LIPE: variants seen among roughly 807,000 people sequenced by gnomAD.
LIPE encodes lipase E, hormone sensitive type.
Under a neutral mutation model 88.5 loss-of-function variants are expected in LIPE, and 66 were observed. The observed-to-expected ratio is 0.75, with a 90% CI of 0.61 to 0.91. The LOEUF is 0.91. Among genes scored for constraint, LIPE ranks in the 40% least tolerant of loss-of-function variants. The probability of loss-of-function intolerance (pLI) is 0.00; values close to 1 mark genes in which losing one functional copy is unlikely to be tolerated. For synonymous variants in LIPE, 570 were observed against 617.5 expected (o/e 0.92, Z 1.14); for missense variants, 1,346 against 1,434.7 (o/e 0.94, Z 1.00).
At chr19:42,424,086 C>T (rs1600148737) in intron 1 of LIPE, 1 of 1,189,164 alleles carries the variant, frequency 8.4e-7, no homozygotes, top group Non-Finnish European at 1.1e-6. Context: ...TGCCTGAGAG[C>T]CGTTGGAGGA....
chr19:42,426,603 G>A lies in LIPE; in HGVS notation c.547C>T (p.Gln183Ter). The A allele has an allele frequency of 1.2e-6, 2 of 1,614,204 alleles. No individual in the cohort carries two copies. Among genetic ancestry groups the A allele is most frequent in the African/African-American group, 2.7e-5 (2 of 75,060 alleles). Residue 183 changes from glutamine to a stop codon, truncating the protein, a stop_gained, in exon 1 of 10, where the codon CAG becomes TAG. Transcript: ENST00000244289. LOFTEE classifies it high-confidence loss of function. ...ACTGGCGTTGTTTGCTTGTCTGACTGTTCAGGTGTCTCTTGGGACGTAGAT... is the reference window on the plus strand; with the variant it reads ...ACTGGCGTTGTTTGCTTGTCTGACTATTCAGGTGTCTCTTGGGACGTAGAT... The part of the protein sequence containing the change: ...TESTSQETPE[Q>*]SDKQTTPVQG...
intron 1 of LIPE, among the ~76,000 whole-genome samples, chr19:42,418,901 T>C (rs1439445595): frequency 6.6e-6 from 1 of 152,162 alleles, no homozygotes; most frequent in Non-Finnish European, 1.5e-5. Flanking sequence ...CTTTTGCCTT[T>C]TTTATTCAGC....
chr19:42,405,580 T>C lies in LIPE; in HGVS notation c.2366-19A>G. ...TTTGCACCTGCAGAATATATGTGGGTAGCTGAGTTGTTTTCCCCTTTCTGG... is the reference window on the plus strand; with the variant it reads ...TTTGCACCTGCAGAATATATGTGGGCAGCTGAGTTGTTTTCCCCTTTCTGG... On this transcript the variant is annotated intron_variant, in intron 7 of 9. Coordinates refer to ENST00000244289, the MANE Select transcript of LIPE (RefSeq NM_005357.4). 6.3e-7 allele frequency: 1 copy of C among 1,598,798 alleles called. No individual in the cohort carries two copies.
In LIPE at chr19:42,403,292, T is replaced by A. The variant is rs851303; in HGVS notation, c.2543-261A>T. ...GTGTGTGTGTGTGTGTGTGTGTGTGTGACTGGGAAGATTAGGTGCAGTTTA... is the reference window on the plus strand; with the variant it reads ...GTGTGTGTGTGTGTGTGTGTGTGTGAGACTGGGAAGATTAGGTGCAGTTTA... On this transcript the variant is annotated intron_variant, in intron 8 of 9. Transcript: ENST00000244289. Among the ~76,000 whole-genome samples the A allele has an allele frequency of 0.53, 67,863 of 128,840 alleles. 20,926 individuals carry two copies. Among genetic ancestry groups the A allele is most frequent in the African/African-American group, 0.68 (23,655 of 34,652 alleles). The allele number at this position is 128,840 out of a possible 152,430, so 84.5% of individuals were successfully genotyped here.
At chr19:42,418,297 A>G (rs1401570832) in intron 1 of LIPE, among the ~76,000 whole-genome samples, 1 of 152,122 alleles carries the variant, frequency 6.6e-6, no homozygotes, top group African/African-American at 2.4e-5. Flanking sequence ...CCCAATTTTG[A>G]AAGTTCTACT....
In LIPE at chr19:42,410,338, C is replaced by T; in HGVS notation, c.1388G>A (p.Gly463Glu). Residue 463 changes from glycine (G) to glutamate (E), a missense_variant, in exon 2 of 10, where the codon GGA (glycine) becomes GAA (glutamate). By Grantham distance (98) the Gly-to-Glu change is moderately conservative. Transcript: ENST00000244289. This position sits in a 1 kb window ranked among gnomAD's most constrained non-coding sequence, Gnocchi z 6.1. ...GCCCAGGCAGCGGCCATAGAAGCAT[C>T]CCTTATGCAGCGTGACATACTCCCG... ...FLREYVTLHKGCFYGRCLGFQ... is the reference protein window; with the variant it reads ...FLREYVTLHKECFYGRCLGFQ... 6.2e-7 allele frequency: 1 copy of T among 1,608,216 alleles called. No homozygotes were observed. The highest frequency in any genetic ancestry group is 1.1e-5 in the South Asian group (1 of 90,176).
chr19:42,404,897 G>T (rs1368193263), intron 8 of LIPE, among the ~76,000 whole-genome samples: 3 of 152,038 alleles, frequency 2.0e-5, no homozygotes, highest in Admixed American at 6.6e-5. Flanking sequence ...TTGAGACAAG[G>T]TATCGCTGTG....
At chr19:42,405,136 G>A (rs1340921428) in intron 8 of LIPE, among the ~76,000 whole-genome samples, 1 of 152,108 alleles carries the variant, frequency 6.6e-6, no homozygotes, top group Non-Finnish European at 1.5e-5. Flanking sequence ...CCAAAGTGCT[G>A]GGATTACAGG....
chr19:42,405,490 T>G lies in LIPE; in HGVS notation c.2437A>C (p.Thr813Pro). The change falls in exon 8 of 10, where the codon ACA (threonine) becomes CCA (proline). Residue 813 changes from threonine to proline, a missense_variant. Physicochemically the swap from Thr to Pro is conservative, Grantham distance 38. Transcript: ENST00000244289. Reference protein sequence around the residue: ...LGMMGLVRRDTALLLRDFRLG... With the variant: ...LGMMGLVRRDPALLLRDFRLG... ...CGGAAGTCTCGGAGGAGCAGGGCTG[T>G]GTCCCGCCGCACCAGCCCCATCATG... 1 of 1,614,104 alleles carries G rather than the reference T, an allele frequency of 6.2e-7. No individual in the cohort carries two copies. The highest frequency in any genetic ancestry group is 8.5e-7 in the Non-Finnish European group (1 of 1,179,988).
At position 42,405,994 on chromosome 19, in the gene LIPE, A is replaced by T. The variant is rs926618247; in HGVS notation, c.2365+167T>A. Among the ~76,000 whole-genome samples the T allele has an allele frequency of 1.3e-3, 190 of 148,104 alleles. 1 individual carries two copies. Among genetic ancestry groups the T allele is most frequent in the African/African-American group, 4.9e-3 (187 of 37,904 alleles). ...CTCTCTCTCACACACACACACACAC[A>T]CACACACACACACACACACACACAC... On this transcript the variant is annotated intron_variant, in intron 7 of 9. Coordinates refer to ENST00000244289, the MANE Select transcript of LIPE (RefSeq NM_005357.4).
intron 8 of LIPE, among the ~76,000 whole-genome samples, chr19:42,404,835 GGCAGACCTCACCACA>G (rs2040117610): frequency 6.6e-6 from 1 of 152,208 alleles, no homozygotes; most frequent in South Asian, 2.1e-4. Flanking sequence ...AATGGTTGGA[GGCAGACCTCACCACA>G]GCCCAGTAAG....
rs1222001347 is a variant in LIPE at position 42,414,706 on chromosome 19, G to A, written c.884-3864C>T. Among the ~76,000 whole-genome samples, 1 of 152,218 alleles carries A rather than the reference G, an allele frequency of 6.6e-6. No individual in the cohort carries two copies. Among genetic ancestry groups the A allele is most frequent in the African/African-American group, 2.4e-5 (1 of 41,446 alleles). On this transcript the variant is annotated intron_variant, in intron 1 of 9. Coordinates refer to ENST00000244289, the MANE Select transcript of LIPE (RefSeq NM_005357.4). The surrounding 1 kb of genome is among the most constrained non-coding windows in gnomAD (Gnocchi z 4.6). The stretch of plus-strand genomic sequence containing the variant: ...CAGCAGTTGCTCACTTTGTGTCTCT[G>A]TGTCACATTCTGGTAATTTTCACAG...
In LIPE at chr19:42,403,022, C is replaced by G. The variant is rs146635380; in HGVS notation, c.2552G>C (p.Arg851Pro). 1 of 1,556,756 alleles carries G rather than the reference C, an allele frequency of 6.4e-7. No individual in the cohort carries two copies. The change falls in exon 9 of 10, where the codon CGC (arginine) becomes CCC (proline). Residue 851 changes from arginine (R) to proline (P), a missense_variant. By Grantham distance (103) the Arg-to-Pro change is moderately radical. Transcript: ENST00000244289. ...CAGTGCTGCTTCAGACACACTGCGG[C>G]GCATCGGCTCTGAGAGAGGGAGAGC... ...KMSEPIAEPM[R>P]RSVSEAALAQ...
At chr19:42,415,749 G>A (rs934507859) in intron 1 of LIPE, among the ~76,000 whole-genome samples, 1 of 151,752 alleles carries the variant, frequency 6.6e-6, no homozygotes, top group Non-Finnish European at 1.5e-5. Flanking sequence ...AGCGGAGCTT[G>A]TAGTGAGCCG....
chr19:42,401,805 C>T lies in LIPE; in HGVS notation c.*7G>A. On this transcript the variant is annotated 3_prime_UTR_variant, in exon 10 of 10. Transcript: ENST00000244289. ...CGGAGGCCGGCGCAGATGGGAACAA[C>T]AGGCTTTTAGTGTCGCCCCCCGCAG... The T allele has an allele frequency of 6.7e-7, 1 of 1,482,700 alleles. No homozygotes were observed. Among genetic ancestry groups the T allele is most frequent in the Non-Finnish European group, 8.9e-7 (1 of 1,119,528 alleles). 91.8% of individuals were successfully genotyped at this position (1,482,700 alleles called of 1,614,324 possible).
chr19:42,426,453 CAG>C lies in LIPE; in HGVS notation c.695_696del (p.Ser232Ter). 1.2e-6 allele frequency: 2 copies of C among 1,614,026 alleles called. No individual in the cohort carries two copies. Among genetic ancestry groups the C allele is most frequent in the Non-Finnish European group, 1.7e-6 (2 of 1,179,936 alleles). ...WKALSEWVTD[S>X]ESESDVGSSS... ...GATGATCCCACATCTGATTCTGACTCAGAATCTGTGACCCACTCAGAAAGTGC... is the reference window on the plus strand; with the variant it reads ...GATGATCCCACATCTGATTCTGACTCAATCTGTGACCCACTCAGAAAGTGC... On this transcript the variant is annotated frameshift_variant, in exon 1 of 10. Coordinates refer to ENST00000244289, the MANE Select transcript of LIPE (RefSeq NM_005357.4). LOFTEE classifies it high-confidence loss of function.
At chr19:42,405,719 C>T in intron 7 of LIPE, 158 bp from the exon 8 acceptor site, 1 of 699,828 alleles carries the variant, frequency 1.4e-6, no homozygotes, top group South Asian at 2.0e-5. Flanking sequence ...CCTGTAGTCC[C>T]AGTACTTTGG....
In LIPE at chr19:42,426,361, T is replaced by C. The variant is rs760023011; in HGVS notation, c.789A>G (p.Lys263=). 8.1e-6 allele frequency: 13 copies of C among 1,614,028 alleles called. 1 individual carries two copies. In the South Asian group the frequency reaches 1.4e-4, roughly 18 times the overall value. Residue 263 remains lysine (K), a synonymous_variant, in exon 1 of 10, where the codon AAA becomes AAG. Coordinates refer to ENST00000244289, the MANE Select transcript of LIPE (RefSeq NM_005357.4). Reference sequence around the variant, plus strand: ...ACATCACTTTATAACCAGATTTTCCTTTGAAGCCTAGCTTCACTCCCTGGG... The same window carrying C: ...ACATCACTTTATAACCAGATTTTCCCTTGAAGCCTAGCTTCACTCCCTGGG... ...MVAQGVKLGF[K]GKSGYKVMSG... is the part of the protein sequence containing the mutation.
At chr19:42,403,166 G>A in intron 8 of LIPE, 135 bp from the exon 9 acceptor site, 2 of 879,638 alleles carry the variant, frequency 2.3e-6, no homozygotes, top group Non-Finnish European at 3.4e-6. Flanking sequence ...TTGCCTAGGG[G>A]ATGGGTGGAG....
Sources: allele counts gnomAD v4.1 joint callset (sites outside exome capture counted in the v4.1 genomes callset), GRCh38; gene constraint gnomAD v4.1.1; non-coding constraint Gnocchi (gnomAD v3.1); transcripts MANE v1.5; gene names NCBI Gene and HGNC (gene_info 2026-07-23, HGNC 2026-07-21).